DNAH8: variants seen among roughly 807,000 people sequenced by gnomAD.
DNAH8 encodes axonemal beta dynein heavy chain 8.
Under a neutral mutation model 562.1 loss-of-function variants are expected in DNAH8, and 382 were observed. The observed-to-expected ratio is 0.68, with a 90% CI of 0.63 to 0.74. The LOEUF is 0.74. Among genes scored for constraint, DNAH8 ranks in the 30% least tolerant of loss-of-function variants. The pLI, the probability that DNAH8 is intolerant of heterozygous loss-of-function variation, is 0.00. For synonymous variants in DNAH8, 1,881 were observed against 1,919.4 expected, an observed-to-expected ratio of 0.98 and a Z score of 0.52; for missense variants, 5,203 against 5,620.4, an observed-to-expected ratio of 0.93 and a Z score of 2.37.
intron 79 of DNAH8, among the ~76,000 whole-genome samples, chr6:38,944,757 C>A (rs1023704958): frequency 6.6e-6 from 1 of 152,180 alleles, no homozygotes; most frequent in Non-Finnish European, 1.5e-5. Context: ...CTATATCCCC[C>A]AGTGTCTGGA....
At chr6:38,892,343 C>G (rs775484399) in intron 58 of DNAH8, among the ~76,000 whole-genome samples, 13 of 152,178 alleles carry the variant, frequency 8.5e-5, no homozygotes, top group Non-Finnish European at 1.3e-4. Context: ...TGTTTGATGT[C>G]TGATACTCAT....
chr6:38,857,442 A>T, intron 41 of DNAH8, 76 bp from the exon 42 acceptor site: 2 of 928,898 alleles, frequency 2.2e-6, no homozygotes, highest in Non-Finnish European at 3.4e-6. Context: ...AAATGTGAAT[A>T]AGTGACCACC....
intron 88 of DNAH8, among the ~76,000 whole-genome samples, chr6:38,996,693 G>A (rs557112389): frequency 8.2e-5 from 12 of 145,460 alleles, no homozygotes; most frequent in African/African-American, 2.8e-4. Context: ...CTCAAGGGGG[G>A]ACTGATAGGA....
intron 88 of DNAH8, among the ~76,000 whole-genome samples, chr6:39,001,407 G>A (rs1156234750): frequency 1.3e-5 from 2 of 152,014 alleles, no homozygotes; most frequent in Admixed American, 6.6e-5. Flanking sequence ...AGAGCTATGC[G>A]CACACATAGG....
intron 79 of DNAH8, among the ~76,000 whole-genome samples, chr6:38,944,795 A>G (rs976663457): frequency 6.6e-6 from 1 of 152,208 alleles, no homozygotes; most frequent in African/African-American, 2.4e-5. Context: ...AGGGCGCTCA[A>G]TAAATATTTG....
At chr6:38,747,568 G>A (rs1582893160) in intron 8 of DNAH8, among the ~76,000 whole-genome samples, 1 of 152,012 alleles carries the variant, frequency 6.6e-6, no homozygotes. Flanking sequence ...TGTATGTTTA[G>A]TAGAGACAAG....
At position 38,984,076 on chromosome 6, in the gene DNAH8, A is replaced by G. The variant is rs1049816473; in HGVS notation, c.12952-130A>G. ...GTGAAAGAGTTATTAATATAAGACG[A>G]TGAATAATTTTAAATGTGAGTCTAG... On this transcript the variant is annotated intron_variant, in intron 86 of 92. Coordinates refer to ENST00000327475, the MANE Select transcript of DNAH8 (RefSeq NM_001206927.2). 6.9e-6 allele frequency: 4 copies of G among 580,926 alleles called. No individual in the cohort carries two copies. In the South Asian group the frequency reaches 7.4e-5, roughly 11 times the overall value. The allele number at this position is 580,926 out of a possible 1,614,324, so 36.0% of individuals were successfully genotyped here. A position where few individuals can be genotyped will look rare whatever the true frequency, so the allele number is the denominator to read the frequency against.
chr6:38,926,341 G>A (rs1209515477), intron 74 of DNAH8, 131 bp downstream of exon 74: 2 of 977,190 alleles, frequency 2.0e-6, no homozygotes, highest in African/African-American at 1.7e-5. Flanking sequence ...CTTGAGTTTT[G>A]TAACAGCAAT....
At chr6:38,773,781 A>C (rs1417160144) in intron 12 of DNAH8, among the ~76,000 whole-genome samples, 1 of 152,136 alleles carries the variant, frequency 6.6e-6, no homozygotes, top group Non-Finnish European at 1.5e-5. Context: ...TCCTCTGATG[A>C]GTGGGGTACG....
chr6:38,943,503 T>C (rs1487112887), intron 79 of DNAH8, among the ~76,000 whole-genome samples: 1 of 152,132 alleles, frequency 6.6e-6, no homozygotes. Context: ...TTTGTTTCAA[T>C]TACTACTTGC....
At chr6:38,807,738 T>G (rs764350640) in intron 24 of DNAH8, 22 bp downstream of exon 24, 26 of 1,349,954 alleles carry the variant, frequency 1.9e-5, no homozygotes, top group Middle Eastern at 1.9e-4. Flanking sequence ...ATATGCTAAT[T>G]ATGTCTGGTA....
intron 33 of DNAH8, among the ~76,000 whole-genome samples, chr6:38,838,406 C>CTT (rs201929222): frequency 6.7e-6 from 1 of 149,506 alleles, no homozygotes. Flanking sequence ...CCCTTGCCTT[C>CTT]TTTTTTTTTT....
At chr6:38,744,771 T>A (rs920202740) in intron 8 of DNAH8, among the ~76,000 whole-genome samples, 1 of 151,800 alleles carries the variant, frequency 6.6e-6, no homozygotes, top group African/African-American at 2.4e-5. Flanking sequence ...TTTTAAACAA[T>A]TTTTTTTATA....
chr6:38,838,246 A>C (rs1774463873), intron 33 of DNAH8, among the ~76,000 whole-genome samples: 1 of 152,192 alleles, frequency 6.6e-6, no homozygotes, highest in Admixed American at 6.5e-5. Flanking sequence ...AGTAAAAAAT[A>C]TGTTGCTAAA....
chr6:38,887,152 A>T (rs527701409), intron 57 of DNAH8, 148 bp downstream of exon 57: 1 of 606,818 alleles, frequency 1.6e-6, no homozygotes, highest in South Asian at 2.0e-5. Flanking sequence ...GGGACTAAAT[A>T]CTAAGGTGAC....
chr6:38,730,558 T>C (rs1187278744), intron 4 of DNAH8, among the ~76,000 whole-genome samples: 2 of 152,258 alleles, frequency 1.3e-5, no homozygotes, highest in Non-Finnish European at 2.9e-5. Flanking sequence ...TGCTTCTTTC[T>C]CACTTGGTTC....
chr6:38,760,310 T>C (rs1383120394), intron 10 of DNAH8, among the ~76,000 whole-genome samples: 2 of 152,196 alleles, frequency 1.3e-5, no homozygotes, highest in African/African-American at 4.8e-5. Flanking sequence ...AAGTTGAAGA[T>C]ATTGCTCAAT....
At chr6:38,822,762 A>G in intron 26 of DNAH8, 76 bp from the exon 27 acceptor site, 2 of 1,111,272 alleles carry the variant, frequency 1.8e-6, no homozygotes, top group Non-Finnish European at 1.2e-6. Context: ...TTGAAAAAGA[A>G]TCACAAATAT....
At chr6:38,920,072 A>G (rs1781591109) in intron 70 of DNAH8, among the ~76,000 whole-genome samples, 1 of 152,198 alleles carries the variant, frequency 6.6e-6, no homozygotes, top group Non-Finnish European at 1.5e-5. Context: ...AAATAGAAAG[A>G]TAAATCCTCA....
Sources: gnomAD v4.1 joint callset for allele counts (sites outside exome capture counted in the v4.1 genomes callset) on GRCh38, gnomAD v4.1.1 for gene constraint, MANE v1.5 for transcripts, NCBI Gene and HGNC (gene_info 2026-07-23, HGNC 2026-07-21) for gene names.